The following RYR3 variants were observed in gnomAD, a reference collection of about 807,000 sequenced individuals.
The protein encoded by RYR3 is ryanodine receptor 3.
Under a neutral mutation model 584.3 loss-of-function variants are expected in RYR3, and 207 were observed. The observed-to-expected ratio is 0.35, with a 90% CI of 0.32 to 0.40. RYR3 has a LOEUF of 0.40. Among genes scored for constraint, RYR3 ranks in the 10% least tolerant of loss-of-function variants. The pLI, the probability that RYR3 is intolerant of heterozygous loss-of-function variation, is 1.00. For missense variants in RYR3, 5,616 were observed against 6,089.2 expected (o/e 0.92, Z 2.59); for synonymous variants, 2,416 against 2,248.5 (o/e 1.07, Z -2.11).
chr15:33,311,730 C>T lies in RYR3; in HGVS notation c.51+634C>T, dbSNP rs1018403086. On this transcript the variant is annotated intron_variant, in intron 1 of 103. Transcript: ENST00000634891. This position sits in a 1 kb window ranked among gnomAD's most constrained non-coding sequence, Gnocchi z 4.4. The stretch of plus-strand genomic sequence containing the variant: ...CTTGACTGACTGCCTGTCGTGTGTT[C>T]GAGAGCTGTGGCTTCTGCTCCTGGC... 2.0e-5 allele frequency among the ~76,000 whole-genome samples: 3 copies of T among 152,350 alleles called. No individual in the cohort carries two copies. The highest frequency in any genetic ancestry group is 3.9e-4 in the East Asian group (2 of 5,176).
Position 33,662,493 on chromosome 15 carries a change from G to T in RYR3, c.4963G>T (p.Val1655Leu), listed in dbSNP as rs772319254. The T allele has an allele frequency of 6.2e-7, 1 of 1,614,040 alleles. No homozygotes were observed. The highest frequency in any genetic ancestry group is 1.1e-5 in the South Asian group (1 of 91,082). ...GTCCAAGAGGCATGGACTGCCTGGG[G>T]TGGGCCTGAGAACATGTCTCAAGCC... ...DESKRHGLPG[V>L]GLRTCLKPGF... Residue 1655 changes from valine to leucine, a missense_variant, in exon 35 of 104, where the codon GTG becomes TTG. Val to Leu is a conservative substitution (Grantham distance 32). This residue lies in a region of RYR3 where 753 missense variants were observed against 741.0 expected (regional missense o/e 1.02). Coordinates refer to ENST00000634891, the MANE Select transcript of RYR3 (RefSeq NM_001036.6).
Position 33,662,565 on chromosome 15 carries a change from C to A in RYR3, c.5035C>A (p.His1679Asn), listed in dbSNP as rs750424423. 5.6e-6 allele frequency: 9 copies of A among 1,613,872 alleles called. No homozygotes were observed. In the African/African-American group the frequency reaches 1.2e-4, roughly 22 times the overall value. ...TTGCTTTGTTGTGACTGGTGAGGATCACCAAAAGCAGAGCCCCGAGATTCC... is the reference window on the plus strand; with the variant it reads ...TTGCTTTGTTGTGACTGGTGAGGATAACCAAAAGCAGAGCCCCGAGATTCC... ...TPCFVVTGEDHQKQSPEIPLE... is the reference protein window; with the variant it reads ...TPCFVVTGEDNQKQSPEIPLE... Residue 1679 changes from histidine (H) to asparagine (N), a missense_variant, in exon 35 of 104, where the codon CAC (histidine) becomes AAC (asparagine). Around this residue, in one of 9 missense-constraint regions of RYR3, gnomAD observed 753 missense variants for 741.0 expected, o/e 1.02. Coordinates refer to ENST00000634891, the MANE Select transcript of RYR3 (RefSeq NM_001036.6).
At chr15:33,601,160 T>A (rs1410074645) in intron 16 of RYR3, among the ~76,000 whole-genome samples, 5 of 152,080 alleles carry the variant, frequency 3.3e-5, no homozygotes, top group Non-Finnish European at 7.4e-5. Context: ...ATGGTTTGCA[T>A]CGTTTGGAGG....
In RYR3 at chr15:33,696,345, G is replaced by T. The variant is rs927858285; in HGVS notation, c.5988G>T (p.Leu1996=). The T allele has an allele frequency of 1.2e-6, 2 of 1,613,512 alleles. No individual in the cohort carries two copies. Among genetic ancestry groups the T allele is most frequent in the African/African-American group, 2.7e-5 (2 of 74,836 alleles). ...GGCAGTATGACAGCATTGGGGAGCT[G>T]CTGCAGGCGCTGCGGAAGACCTACA... is the stretch of plus-strand genomic sequence containing the variant. ...LRRQYDSIGE[L]LQALRKTYTI... Residue 1996 remains leucine (L), a synonymous_variant, in exon 39 of 104, where the codon CTG becomes CTT. Transcript: ENST00000634891.
intron 19 of RYR3, among the ~76,000 whole-genome samples, chr15:33,620,183 C>A (rs1331260068): frequency 1.3e-5 from 2 of 152,182 alleles, no homozygotes; most frequent in East Asian, 1.9e-4. Context: ...TCACCCTGAG[C>A]GAAAGGGCAC....
chr15:33,835,712 C>T (rs1172519702), intron 87 of RYR3, among the ~76,000 whole-genome samples: 3 of 152,350 alleles, frequency 2.0e-5, no homozygotes, highest in East Asian at 3.9e-4. Flanking sequence ...AAGGCTGTCA[C>T]ATCTGCCTCC....
chr15:33,545,013 A>G (rs1169993498), intron 8 of RYR3, among the ~76,000 whole-genome samples: 2 of 152,128 alleles, frequency 1.3e-5, no homozygotes, highest in African/African-American at 4.8e-5. Flanking sequence ...TCCCTTTGAT[A>G]TCATATCCTG....
rs2053625490 is a variant in RYR3, at chr15:33,517,585, A to G, written c.280-13007A>G. Among the ~76,000 whole-genome samples the G allele has an allele frequency of 5.3e-5, 8 of 152,338 alleles. No homozygotes were observed. In the South Asian group the frequency reaches 1.5e-3, roughly 28 times the overall value. On this transcript the variant is annotated intron_variant, in intron 3 of 103. Coordinates refer to ENST00000634891, the MANE Select transcript of RYR3 (RefSeq NM_001036.6). ...ACTGAGATCCTCCTTGCCTGGTCCA[A>G]GGGAATGCATGTTAACCTCTGCAGC...
intron 12 of RYR3, among the ~76,000 whole-genome samples, chr15:33,577,472 C>T (rs2058357636): frequency 6.6e-6 from 1 of 152,158 alleles, no homozygotes; most frequent in Non-Finnish European, 1.5e-5. Flanking sequence ...CGCACATCTA[C>T]AACCATCTGA....
At chr15:33,555,849 A>G (rs1235571841) in intron 10 of RYR3, among the ~76,000 whole-genome samples, 1 of 152,206 alleles carries the variant, frequency 6.6e-6, no homozygotes, top group Non-Finnish European at 1.5e-5. Context: ...TGTAGTAAAC[A>G]GAGGAAGGCG....
chr15:33,785,214 C>T (rs983791897), intron 65 of RYR3, among the ~76,000 whole-genome samples: 15 of 152,044 alleles, frequency 9.9e-5, no homozygotes, highest in Admixed American at 4.6e-4. Flanking sequence ...TTTTCTAAGC[C>T]GAGTATAGAT....
rs192750305 is a variant in RYR3 at position 33,737,839 on chromosome 15, A to G, written c.7516-611A>G. 1.6e-3 allele frequency among the ~76,000 whole-genome samples: 239 copies of G among 152,306 alleles called. 2 individuals carry two copies. Among genetic ancestry groups the G allele is most frequent in the African/African-American group, 5.3e-3 (222 of 41,562 alleles). ...ATCTGTGGGATTTTTCTTGGAGGAC[A>G]TGGATCACACCTGCTGGGATGGAAA... is the stretch of plus-strand genomic sequence containing the variant. On this transcript the variant is annotated intron_variant, in intron 49 of 103. Transcript: ENST00000634891.
intron 18 of RYR3, among the ~76,000 whole-genome samples, chr15:33,610,354 C>T (rs74438323): frequency 0.036 from 5,530 of 152,262 alleles, 355 homozygotes; most frequent in African/African-American, 0.13. Flanking sequence ...GCAACACATA[C>T]GTACCTTCAT....
rs79521278 is a variant in RYR3 at position 33,608,446 on chromosome 15, T to C, written c.2165-4737T>C. The stretch of plus-strand genomic sequence containing the variant: ...GTGAGGAGATTTATAACACACACTA[T>C]GCAAAAGCAATGCCACCATTCCATC... On this transcript the variant is annotated intron_variant, in intron 18 of 103. Transcript: ENST00000634891. Among the ~76,000 whole-genome samples, 243 of 152,352 alleles carry C rather than the reference T, an allele frequency of 1.6e-3. 1 individual carries two copies. The highest frequency in any genetic ancestry group is 5.6e-3 in the African/African-American group (232 of 41,576).
intron 1 of RYR3, among the ~76,000 whole-genome samples, chr15:33,416,051 A>G (rs997764411): frequency 1.3e-5 from 2 of 152,162 alleles, no homozygotes; most frequent in African/African-American, 2.4e-5. Flanking sequence ...TTTTATGGCT[A>G]TGTAGCATTC....
chr15:33,664,728 G>A (rs951735099), intron 36 of RYR3, among the ~76,000 whole-genome samples: 12 of 151,260 alleles, frequency 7.9e-5, no homozygotes, highest in Non-Finnish European at 1.8e-4. Context: ...TTAGCATGAC[G>A]CCTGTCATAG....
chr15:33,825,084 A>G (rs146217260), intron 81 of RYR3, among the ~76,000 whole-genome samples: 31 of 152,334 alleles, frequency 2.0e-4, no homozygotes, highest in African/African-American at 7.2e-4. Flanking sequence ...AGGCTTTTGC[A>G]TGATGTAGAA....
intron 19 of RYR3, among the ~76,000 whole-genome samples, chr15:33,613,604 T>C (rs1256005727): frequency 2.6e-5 from 4 of 152,246 alleles, no homozygotes; most frequent in Non-Finnish European, 4.4e-5. Flanking sequence ...GTAAGATTAA[T>C]AGGATAAATC....
chr15:33,759,675 T>C (rs1342992994), intron 60 of RYR3, among the ~76,000 whole-genome samples: 1 of 152,198 alleles, frequency 6.6e-6, no homozygotes, highest in African/African-American at 2.4e-5. Flanking sequence ...TTGATTGGTG[T>C]ACCTGAAAGT....
Sources: gnomAD v4.1 joint callset for allele counts (sites outside exome capture counted in the v4.1 genomes callset) on GRCh38, gnomAD v4.1.1 for gene constraint, gnomAD v4.1.1 regional missense constraint, Gnocchi (gnomAD v3.1) non-coding constraint, MANE v1.5 for transcripts, NCBI Gene and HGNC (gene_info 2026-07-23, HGNC 2026-07-21) for gene names.